The following SEMA5A variants were observed in gnomAD, a reference collection of about 807,000 sequenced individuals.
SEMA5A encodes semaphorin-5A.
SEMA5A carries 55 observed loss-of-function variants against 135.5 expected under a neutral mutation model. The ratio of observed to expected loss-of-function variants is 0.41; its 90% CI spans 0.33 to 0.51. The LOEUF (loss-of-function observed/expected upper bound fraction) is 0.51, where lower values mean the gene tolerates loss of function less well. Ranked by LOEUF, SEMA5A falls within the 20% of genes least tolerant of loss-of-function variation. The pLI, the probability that SEMA5A is intolerant of heterozygous loss-of-function variation, is 0.37. For missense variants in SEMA5A, 1,290 were observed against 1,419.9 expected (o/e 0.91, Z 1.47); for synonymous variants, 580 against 546.5 (o/e 1.06, Z -0.85).
At chr5:9,460,450 A>C (rs1297578498) in intron 1 of SEMA5A, among the ~76,000 whole-genome samples, 4 of 152,156 alleles carry the variant, frequency 2.6e-5, no homozygotes, top group African/African-American at 7.2e-5. Context: ...GCAGATACTA[A>C]AGTATTTTTA....
At chr5:9,189,096 TGGGTGCA>T (rs1451215273) in intron 11 of SEMA5A, among the ~76,000 whole-genome samples, 2 of 152,234 alleles carry the variant, frequency 1.3e-5, no homozygotes, top group Admixed American at 1.3e-4. Flanking sequence ...GTTTCCCTTA[TGGGTGCA>T]GGGCTGGCCC....
At chr5:9,359,333 A>G (rs1307111478) in intron 3 of SEMA5A, among the ~76,000 whole-genome samples, 3 of 152,210 alleles carry the variant, frequency 2.0e-5, no homozygotes, top group Non-Finnish European at 4.4e-5. Context: ...AATTTTATAA[A>G]GACTGAATGG....
At chr5:9,113,031 A>T (rs1286408370) in intron 15 of SEMA5A, among the ~76,000 whole-genome samples, 1 of 152,180 alleles carries the variant, frequency 6.6e-6, no homozygotes, top group Non-Finnish European at 1.5e-5. Context: ...CAACAACCAC[A>T]TGATCTTGGA....
intron 2 of SEMA5A, among the ~76,000 whole-genome samples, chr5:9,395,107 A>G (rs940100703): frequency 6.6e-6 from 1 of 152,226 alleles, no homozygotes; most frequent in African/African-American, 2.4e-5. Context: ...CAAAATATTT[A>G]CATTTAAAGG....
rs1170123066 is a variant in SEMA5A at position 9,411,715 on chromosome 5, G to A, written c.-78+26041C>T. ...TCCCAGCACTTTGGGAGGCCGAGGC[G>A]GGTGGATCACGAGGTCAGGAGATCG... On this transcript the variant is annotated intron_variant, in intron 2 of 22. Coordinates refer to ENST00000382496, the MANE Select transcript of SEMA5A (RefSeq NM_003966.3). 9.4e-3 allele frequency among the ~76,000 whole-genome samples: 2 copies of A among 212 alleles called. 1 individual carries two copies. The highest frequency in any genetic ancestry group is 9.7e-3 in the African/African-American group (2 of 206). The allele number at this position is 212 out of a possible 152,430, so 0.1% of individuals were successfully genotyped here.
At chr5:9,174,842 G>T (rs554989076) in intron 11 of SEMA5A, among the ~76,000 whole-genome samples, 1 of 152,264 alleles carries the variant, frequency 6.6e-6, no homozygotes, top group East Asian at 1.9e-4. Flanking sequence ...CTGCTACCGT[G>T]CCCTTCATGT....
intron 3 of SEMA5A, among the ~76,000 whole-genome samples, chr5:9,359,054 G>C (rs1030670238): frequency 3.3e-5 from 5 of 152,076 alleles, no homozygotes; most frequent in Non-Finnish European, 5.9e-5. Context: ...TCCTCTCCTA[G>C]ACAGGCCCCC....
At chr5:9,175,625 T>C (rs1430937667) in intron 11 of SEMA5A, among the ~76,000 whole-genome samples, 2 of 152,132 alleles carry the variant, frequency 1.3e-5, no homozygotes, top group African/African-American at 4.8e-5. Flanking sequence ...TTATACACAT[T>C]TGCTCATGGA....
intron 2 of SEMA5A, among the ~76,000 whole-genome samples, chr5:9,428,752 A>G (rs1006303826): frequency 1.3e-5 from 2 of 152,214 alleles, no homozygotes. Context: ...TTATTGTAAA[A>G]TTATGCAATA....
intron 13 of SEMA5A, among the ~76,000 whole-genome samples, chr5:9,129,617 C>T (rs1741299450): frequency 6.6e-6 from 1 of 152,182 alleles, no homozygotes. Context: ...CTTAAACAGA[C>T]ATCAGACACA....
chr5:9,429,651 G>T (rs759357828), intron 2 of SEMA5A, among the ~76,000 whole-genome samples: 2 of 152,226 alleles, frequency 1.3e-5, no homozygotes, highest in Non-Finnish European at 2.9e-5. Context: ...TAAACTTGAA[G>T]TAGGCCAAGG....
rs548134293 is a variant in SEMA5A, at chr5:9,224,841, C to T, written c.479G>A (p.Arg160His). Reference protein sequence around the residue: ...EIHDQISGMARCPYSPQHNST... With the variant: ...EIHDQISGMAHCPYSPQHNST... ...ATTGTGCTGGGGACTGTAGGGACAG[C>T]GGGCCATGCCACTGATCTGATCATG... is the stretch of plus-strand genomic sequence containing the variant. The change falls in exon 8 of 23, where the codon CGC becomes CAC. Residue 160 changes from arginine (R) to histidine (H), a missense_variant. Physicochemically the swap from Arg to His is conservative, Grantham distance 29 (BLOSUM62 0). This residue lies in a region of SEMA5A where 145 missense variants were observed against 212.0 expected (regional missense o/e 0.68). Transcript: ENST00000382496. 6 of 1,613,828 alleles carry T rather than the reference C, an allele frequency of 3.7e-6. No homozygotes were observed. Among genetic ancestry groups the T allele is most frequent in the African/African-American group, 1.3e-5 (1 of 75,014 alleles).
At chr5:9,070,097 G>A (rs976101563) in intron 16 of SEMA5A, among the ~76,000 whole-genome samples, 23 of 152,170 alleles carry the variant, frequency 1.5e-4, no homozygotes, top group African/African-American at 4.8e-4. Flanking sequence ...TCGGCCATGC[G>A]TGGTGGCTCA....
intron 22 of SEMA5A, 30 bp downstream of exon 22, chr5:9,044,343 C>A (rs564970812): frequency 6.4e-7 from 1 of 1,574,066 alleles, no homozygotes; most frequent in African/African-American, 1.3e-5. Context: ...GAAAACCAGG[C>A]ACTTAGCAGA....
intron 11 of SEMA5A, among the ~76,000 whole-genome samples, chr5:9,171,091 G>A (rs933861835): frequency 6.6e-6 from 1 of 152,160 alleles, no homozygotes; most frequent in Non-Finnish European, 1.5e-5. Flanking sequence ...CTAGAATGAT[G>A]GCAAAAAGAT....
At chr5:9,146,852 C>A (rs772181308) in intron 12 of SEMA5A, among the ~76,000 whole-genome samples, 1 of 152,126 alleles carries the variant, frequency 6.6e-6, no homozygotes, top group Non-Finnish European at 1.5e-5. Context: ...CCAAAGCCAG[C>A]ACAAACAAAA....
intron 5 of SEMA5A, among the ~76,000 whole-genome samples, chr5:9,263,923 T>A (rs1749541823): frequency 6.6e-6 from 1 of 152,140 alleles, no homozygotes; most frequent in South Asian, 2.1e-4. Flanking sequence ...ATTCCCCTCA[T>A]CTCTCCCCAT....
At chr5:9,446,918 G>T (rs2126694256) in intron 1 of SEMA5A, among the ~76,000 whole-genome samples, 1 of 152,292 alleles carries the variant, frequency 6.6e-6, no homozygotes, top group South Asian at 2.1e-4. Flanking sequence ...GCCGGCCACA[G>T]ATTAAACCAC....
intron 2 of SEMA5A, among the ~76,000 whole-genome samples, chr5:9,424,856 C>T (rs113619595): frequency 3.9e-5 from 6 of 152,280 alleles, no homozygotes; most frequent in African/African-American, 1.2e-4. Flanking sequence ...TAGTCTGTGC[C>T]ACCATCACGC....
Sources: gnomAD v4.1 joint callset for allele counts (sites outside exome capture counted in the v4.1 genomes callset) on GRCh38, gnomAD v4.1.1 for gene constraint, gnomAD v4.1.1 regional missense constraint, MANE v1.5 for transcripts, NCBI Gene and HGNC (gene_info 2026-07-23, HGNC 2026-07-21) for gene names.